The following BAIAP2L1 variants were observed in gnomAD, a reference collection of about 807,000 sequenced individuals.
BAIAP2L1 encodes BAR/IMD domain containing adaptor protein 2 like 1.
BAIAP2L1 carries 35 observed loss-of-function variants against 66.3 expected under a neutral mutation model. The ratio of observed to expected loss-of-function variants is 0.53; its 90% confidence interval spans 0.40 to 0.70. BAIAP2L1 has a LOEUF of 0.70. Ranked by LOEUF, BAIAP2L1 falls within the 30% of genes least tolerant of loss-of-function variation. The pLI, the probability that BAIAP2L1 is intolerant of heterozygous loss-of-function variation, is 0.00. For synonymous variants in BAIAP2L1, 269 were observed against 248.7 expected, an observed-to-expected ratio of 1.08 and a Z score of -0.77; for missense variants, 622 against 656.9, an observed-to-expected ratio of 0.95 and a Z score of 0.58.
At chr7:98,350,650 C>T (rs898413408) in intron 3 of BAIAP2L1, among the ~76,000 whole-genome samples, 1 of 152,144 alleles carries the variant, frequency 6.6e-6, no homozygotes, top group Admixed American at 6.6e-5. Flanking sequence ...CAGAGCGAGA[C>T]TTCGTCTCAA....
intron 1 of BAIAP2L1, among the ~76,000 whole-genome samples, chr7:98,375,774 A>G (rs1411293233): frequency 6.6e-6 from 1 of 151,798 alleles, no homozygotes; most frequent in Non-Finnish European, 1.5e-5. Context: ...AAAAGAAAAA[A>G]AATTACTAAC....
chr7:98,314,031 G>GCT (rs1800984146), intron 7 of BAIAP2L1, among the ~76,000 whole-genome samples: 1 of 143,242 alleles, frequency 7.0e-6, no homozygotes. Context: ...TGTTGCCCAG[G>GCT]CTGAAGTGCA....
intron 7 of BAIAP2L1, among the ~76,000 whole-genome samples, chr7:98,313,423 C>T (rs1800950826): frequency 6.6e-6 from 1 of 152,038 alleles, no homozygotes; most frequent in East Asian, 1.9e-4. Context: ...CCTCATGACA[C>T]GGTGGGGATA....
intron 10 of BAIAP2L1, chr7:98,307,336 C>T (rs1377942890): frequency 9.8e-7 from 1 of 1,022,060 alleles, no homozygotes; most frequent in East Asian, 7.1e-5. Context: ...GAACTCCTAA[C>T]CTCAGGTGAT....
chr7:98,395,222 G>A (rs566257361), intron 1 of BAIAP2L1, among the ~76,000 whole-genome samples: 6 of 151,866 alleles, frequency 4.0e-5, no homozygotes, highest in Middle Eastern at 3.4e-3. Flanking sequence ...GGTGGATCAC[G>A]AGGTCAGGAG....
chr7:98,380,464 C>T (rs1802728654), intron 1 of BAIAP2L1, among the ~76,000 whole-genome samples: 1 of 151,984 alleles, frequency 6.6e-6, no homozygotes, highest in African/African-American at 2.4e-5. Context: ...AGCGGAAACC[C>T]CTGATAAACC....
intron 7 of BAIAP2L1, among the ~76,000 whole-genome samples, chr7:98,313,922 G>C (rs1027245443): frequency 6.6e-6 from 1 of 150,396 alleles, no homozygotes; most frequent in Admixed American, 6.6e-5. Flanking sequence ...GAGCCACTGT[G>C]CCTGGCCTGC....
intron 1 of BAIAP2L1, among the ~76,000 whole-genome samples, chr7:98,396,514 T>C (rs1368615053): frequency 1.3e-5 from 2 of 152,134 alleles, no homozygotes; most frequent in Non-Finnish European, 2.9e-5. Context: ...TAAATTACCA[T>C]ACAAACAAAG....
chr7:98,384,687 T>C (rs1340580949), intron 1 of BAIAP2L1, among the ~76,000 whole-genome samples: 1 of 126,180 alleles, frequency 7.9e-6, no homozygotes, highest in Admixed American at 1.0e-4. Context: ...AGACAGATCA[T>C]TCTACCTTTT....
intron 1 of BAIAP2L1, among the ~76,000 whole-genome samples, chr7:98,388,020 T>G (rs1271484082): frequency 6.6e-6 from 1 of 152,138 alleles, no homozygotes. Context: ...TTCAGTCATT[T>G]GTAAATAAGG....
chr7:98,334,928 TCA>T (rs946424552), intron 3 of BAIAP2L1, among the ~76,000 whole-genome samples: 10 of 148,432 alleles, frequency 6.7e-5, no homozygotes, highest in Non-Finnish European at 1.0e-4. Flanking sequence ...GGCAGGTGGA[TCA>T]CGAGATCAGG....
chr7:98,398,001 C>T (rs1042036943), intron 1 of BAIAP2L1, among the ~76,000 whole-genome samples: 1 of 152,180 alleles, frequency 6.6e-6, no homozygotes, highest in African/African-American at 2.4e-5. Context: ...ATATTGGCTA[C>T]AGAGGATCAT....
At chr7:98,343,248 TACAC>T (rs57033582) in intron 3 of BAIAP2L1, among the ~76,000 whole-genome samples, 41,906 of 128,334 alleles carry the variant, frequency 0.33, 7,321 homozygotes, top group Middle Eastern at 0.45. Flanking sequence ...AAAAAAAAAA[TACAC>T]ACACACACAC....
rs989829844 is a variant in BAIAP2L1 at position 98,306,442 on chromosome 7, G to A, written c.1238C>T (p.Pro413Leu). 1 of 1,614,048 alleles carries A rather than the reference G, an allele frequency of 6.2e-7. No homozygotes were observed. Among genetic ancestry groups the A allele is most frequent in the Non-Finnish European group, 8.5e-7 (1 of 1,180,040 alleles). Reference sequence around the variant, plus strand: ...GCTCAGCCACGTTCAGGGCTACCTTGGCGTGGGCACGGTCACTGCTTCTGT... The same window carrying A: ...GCTCAGCCACGTTCAGGGCTACCTTAGCGTGGGCACGGTCACTGCTTCTGT... ...NETEAVTVPT[P>L]SPTPVRSIST... is the part of the protein sequence containing the mutation. The change falls in exon 11 of 14, where the codon CCA becomes CTA. Residue 413 changes from proline (P) to leucine (L), a missense_variant. Transcript: ENST00000005260.
chr7:98,352,162 T>G (rs933658365), intron 3 of BAIAP2L1, among the ~76,000 whole-genome samples: 1 of 151,906 alleles, frequency 6.6e-6, no homozygotes, highest in Non-Finnish European at 1.5e-5. Context: ...TAGTCTGAAC[T>G]GTATCAATAA....
intron 7 of BAIAP2L1, among the ~76,000 whole-genome samples, chr7:98,313,209 A>C (rs1220550029): frequency 1.3e-5 from 2 of 150,210 alleles, no homozygotes; most frequent in Non-Finnish European, 2.9e-5. Context: ...GGCCTGCTTC[A>C]TCCCAACTCC....
At chr7:98,362,454 C>T (rs1802293534) in intron 1 of BAIAP2L1, 22 bp from the exon 2 acceptor site, 1 of 1,583,940 alleles carries the variant, frequency 6.3e-7, no homozygotes, top group Admixed American at 1.9e-5. Context: ...ACAAAACACA[C>T]AAATTAATAA....
chr7:98,308,817 A>AAGTAG (rs1800763448), intron 9 of BAIAP2L1: 2 of 154,082 alleles, frequency 1.3e-5, no homozygotes, highest in Admixed American at 1.3e-4. Context: ...AGCTGGGACT[A>AAGTAG]CAGGCACACG....
Position 98,293,418 on chromosome 7 carries a change from T to A in BAIAP2L1, c.*103A>T. ...AAGCAGGCGACATTAGAGTTAGGCC[T>A]CTCCACTGAAGCTTCCCGACCGTCA... On this transcript the variant is annotated 3_prime_UTR_variant, in exon 14 of 14. Coordinates refer to ENST00000005260, the MANE Select transcript of BAIAP2L1 (RefSeq NM_018842.5). The A allele has an allele frequency of 9.3e-7, 1 of 1,075,668 alleles. No homozygotes were observed. The highest frequency in any genetic ancestry group is 1.4e-6 in the Non-Finnish European group (1 of 708,374). The allele number at this position is 1,075,668 out of a possible 1,614,324, so 66.6% of individuals were successfully genotyped here.
Sources: allele counts gnomAD v4.1 joint callset (sites outside exome capture counted in the v4.1 genomes callset), GRCh38; gene constraint gnomAD v4.1.1; transcripts MANE v1.5; gene names NCBI Gene and HGNC (gene_info 2026-07-23, HGNC 2026-07-21).